Variants in FRMD4A observed in about 807,000 individuals in gnomAD.
FRMD4A encodes FERM domain containing 4A.
A neutral mutation model predicts 129.1 loss-of-function variants in FRMD4A; 29 were observed. The ratio of observed to expected loss-of-function variants is 0.22; its 90% CI spans 0.17 to 0.31. FRMD4A has a LOEUF of 0.31. Ranked by LOEUF, FRMD4A falls within the 10% of genes least tolerant of loss-of-function variation. The pLI is 1.00. For missense variants in FRMD4A, 1,272 were observed against 1,375.8 expected (o/e 0.92, Z 1.19); for synonymous variants, 634 against 571.6 (o/e 1.11, Z -1.56).
chr10:14,220,164 A>T (rs1160101939), intron 2 of FRMD4A, among the ~76,000 whole-genome samples: 1 of 152,196 alleles, frequency 6.6e-6, no homozygotes, highest in African/African-American at 2.4e-5. Flanking sequence ...CTAAATGACG[A>T]AACTGTTCAG....
intron 12 of FRMD4A, among the ~76,000 whole-genome samples, chr10:13,709,547 A>AT (rs1425692047): frequency 6.6e-6 from 1 of 152,138 alleles, no homozygotes; most frequent in Admixed American, 6.5e-5. Context: ...TAAAAAAAAA[A>AT]ATATGTGTGT....
chr10:14,138,961 C>A (rs1478397526), intron 2 of FRMD4A, among the ~76,000 whole-genome samples: 3 of 152,148 alleles, frequency 2.0e-5, no homozygotes, highest in Admixed American at 6.5e-5. Flanking sequence ...TGACTGGCTA[C>A]CCCTGCCCCT....
chr10:14,114,293 A>T (rs905081910), intron 2 of FRMD4A, among the ~76,000 whole-genome samples: 1 of 152,138 alleles, frequency 6.6e-6, no homozygotes, highest in African/African-American at 2.4e-5. Flanking sequence ...TCGGAGACAC[A>T]GGTAGGGCTT....
intron 2 of FRMD4A, among the ~76,000 whole-genome samples, chr10:14,229,704 G>A (rs1344227571): frequency 6.6e-6 from 1 of 152,146 alleles, no homozygotes; most frequent in African/African-American, 2.4e-5. Flanking sequence ...CTCTCAAAAT[G>A]TTGGGATTAC....
intron 2 of FRMD4A, among the ~76,000 whole-genome samples, chr10:13,990,057 A>T (rs974871041): frequency 1.3e-5 from 2 of 152,170 alleles, no homozygotes; most frequent in African/African-American, 4.8e-5. Context: ...CCTGGGTTCA[A>T]ACCCTGGATC....
At chr10:13,799,215 T>A (rs1265978654) in intron 4 of FRMD4A, among the ~76,000 whole-genome samples, 3 of 152,202 alleles carry the variant, frequency 2.0e-5, no homozygotes, top group African/African-American at 7.2e-5. Context: ...TGGAGTGCAG[T>A]GGTGTGATCT....
At position 14,277,351 on chromosome 10, in the gene FRMD4A, C is replaced by T. The variant is rs142664926; in HGVS notation, c.45+52707G>A. ...AAGGTGATGGTATTAGGAAGGGGGG[C>T]GGTTAGGAGGTGATTAGGTTATGAG... is the stretch of plus-strand genomic sequence containing the variant. On this transcript the variant is annotated intron_variant, in intron 2 of 24. Coordinates refer to ENST00000357447, the MANE Select transcript of FRMD4A (RefSeq NM_018027.5). Among the ~76,000 whole-genome samples, 105 of 152,188 alleles carry T rather than the reference C, an allele frequency of 6.9e-4. 2 individuals are homozygous for T. Among genetic ancestry groups the T allele is most frequent in the African/African-American group, 2.4e-3 (100 of 41,536 alleles).
intron 2 of FRMD4A, among the ~76,000 whole-genome samples, chr10:13,988,712 A>G (rs532376032): frequency 1.3e-5 from 2 of 152,216 alleles, no homozygotes; most frequent in Non-Finnish European, 2.9e-5. Context: ...GGATGGATAG[A>G]TAGATGGATG....
intron 2 of FRMD4A, among the ~76,000 whole-genome samples, chr10:14,055,421 C>G (rs1382684313): frequency 6.7e-6 from 1 of 149,796 alleles, no homozygotes; most frequent in African/African-American, 2.5e-5. Flanking sequence ...TGCACTCTAT[C>G]CCTATGCTGA....
chr10:14,005,254 C>T (rs2095658063), intron 2 of FRMD4A, among the ~76,000 whole-genome samples: 1 of 152,160 alleles, frequency 6.6e-6, no homozygotes, highest in African/African-American at 2.4e-5. Context: ...CATCTCCTGA[C>T]CTCGTGATCC....
rs1439553035 is a variant in FRMD4A at position 13,784,920 on chromosome 10, G to C, written c.300-1914C>G. 2.6e-5 allele frequency among the ~76,000 whole-genome samples: 4 copies of C among 151,894 alleles called. No individual in the cohort carries two copies. The South Asian group carries it at 6.3e-4, about 24-fold the overall frequency. On this transcript the variant is annotated intron_variant, in intron 5 of 24. Transcript: ENST00000357447. ...GCAGAAGAATCGCTTGAACCCAGGA[G>C]GGGGAGGTTGCAGCGAGCCGAGATG... is the stretch of plus-strand genomic sequence containing the variant.
chr10:14,056,759 TAGTC>T (rs1156775770), intron 2 of FRMD4A, among the ~76,000 whole-genome samples: 6 of 152,198 alleles, frequency 3.9e-5, no homozygotes, highest in South Asian at 2.1e-4. Flanking sequence ...CATGTGCAAA[TAGTC>T]AGGCATTTCA....
At chr10:13,817,655 C>T (rs1228995356) in intron 3 of FRMD4A, among the ~76,000 whole-genome samples, 1 of 152,226 alleles carries the variant, frequency 6.6e-6, no homozygotes, top group Non-Finnish European at 1.5e-5. Flanking sequence ...CCTGCACAAG[C>T]TCTCTTGCCT....
At position 13,971,866 on chromosome 10, in the gene FRMD4A, G is replaced by T. The variant is rs1172859776; in HGVS notation, c.46-112954C>A. 5 of 1,295,742 alleles carry T rather than the reference G, an allele frequency of 3.9e-6. No individual in the cohort carries two copies. The African/African-American group carries it at 7.6e-5, about 20-fold the overall frequency. The allele number at this position is 1,295,742 out of a possible 1,614,324, so 80.3% of individuals were successfully genotyped here. A position where few individuals can be genotyped will look rare whatever the true frequency, so the allele number is the denominator to read the frequency against. The stretch of plus-strand genomic sequence containing the variant: ...CCACATCCAGGGCTGTGTTCTTTTA[G>T]TGACACAAAGTGCCAATGTCAGTAA... On this transcript the variant is annotated intron_variant, in intron 2 of 24. Transcript: ENST00000357447.
chr10:14,188,237 C>G (rs1297886230), intron 2 of FRMD4A, among the ~76,000 whole-genome samples: 1 of 152,146 alleles, frequency 6.6e-6, no homozygotes, highest in African/African-American at 2.4e-5. Context: ...TTTCTGGACG[C>G]CTGCCTCTCC....
At position 13,681,192 on chromosome 10, in the gene FRMD4A, T is replaced by A. The variant is rs1388625805; in HGVS notation, c.1118-6148A>T. On this transcript the variant is annotated intron_variant, in intron 15 of 24. Transcript: ENST00000357447. ...TCCCCTTTTTCTCTACCTTCCTAAC[T>A]TCTAGCCTTCTGCCAGTGCTGCTCT... Among the ~76,000 whole-genome samples the A allele has an allele frequency of 2.0e-5, 3 of 152,216 alleles. No individual in the cohort carries two copies. In the East Asian group the frequency reaches 5.8e-4, roughly 29 times the overall value.
chr10:14,059,728 C>T (rs550087448), intron 2 of FRMD4A, among the ~76,000 whole-genome samples: 24 of 152,306 alleles, frequency 1.6e-4, no homozygotes, highest in East Asian at 3.9e-4. Flanking sequence ...GACTCAATAA[C>T]GGAAGCTTCT....
intron 2 of FRMD4A, among the ~76,000 whole-genome samples, chr10:14,080,495 A>G (rs906030552): frequency 6.6e-6 from 1 of 151,838 alleles, no homozygotes; most frequent in Non-Finnish European, 1.5e-5. Context: ...GAATGATTTG[A>G]CAAGCAGGAC....
At chr10:14,191,327 C>G (rs1414890514) in intron 2 of FRMD4A, among the ~76,000 whole-genome samples, 1 of 152,152 alleles carries the variant, frequency 6.6e-6, no homozygotes, top group Non-Finnish European at 1.5e-5. Context: ...ACACACAACT[C>G]ATAAAACAAC....
Sources: gnomAD v4.1 joint callset for allele counts (sites outside exome capture counted in the v4.1 genomes callset) on GRCh38, gnomAD v4.1.1 for gene constraint, MANE v1.5 for transcripts, NCBI Gene and HGNC (gene_info 2026-07-23, HGNC 2026-07-21) for gene names.